Variants in PRDM16 observed in about 807,000 individuals in gnomAD.
The protein encoded by PRDM16 is PR/SET domain 16.
PRDM16 carries 23 observed loss-of-function variants against 110.6 expected under a neutral mutation model. The observed-to-expected ratio is 0.21, with a 90% CI of 0.15 to 0.29. PRDM16 has a LOEUF of 0.29. PRDM16 is among the 10% of genes least tolerant of loss of function. The pLI is 1.00. For synonymous variants in PRDM16, 799 were observed against 781.8 expected, an observed-to-expected ratio of 1.02 and a Z score of -0.37; for missense variants, 1,615 against 1,794.3, an observed-to-expected ratio of 0.90 and a Z score of 1.81.
chr1:3,364,386 C>T (rs889246446), intron 3 of PRDM16, among the ~76,000 whole-genome samples: 1 of 152,184 alleles, frequency 6.6e-6, no homozygotes, highest in East Asian at 1.9e-4. Flanking sequence ...AATTTACAAA[C>T]CCAAAAGTGC....
intron 3 of PRDM16, among the ~76,000 whole-genome samples, chr1:3,348,848 A>G (rs1000273963): frequency 6.6e-6 from 1 of 152,178 alleles, no homozygotes; most frequent in African/African-American, 2.4e-5. Context: ...TGCAGTGGGC[A>G]GTTTTTCCAC....
At chr1:3,294,279 G>A (rs985530538) in intron 3 of PRDM16, among the ~76,000 whole-genome samples, 3 of 152,142 alleles carry the variant, frequency 2.0e-5, no homozygotes, top group East Asian at 3.9e-4. Flanking sequence ...GCTGTGGAGT[G>A]GGGGTGTATC....
chr1:3,413,279 C>T (rs533150288), intron 9 of PRDM16, among the ~76,000 whole-genome samples: 6 of 148,932 alleles, frequency 4.0e-5, no homozygotes, highest in Non-Finnish European at 5.9e-5. Context: ...GGAGCCACAG[C>T]GGCAGGGGGA....
chr1:3,369,803 C>T (rs1324144579), intron 3 of PRDM16, among the ~76,000 whole-genome samples: 1 of 152,240 alleles, frequency 6.6e-6, no homozygotes, highest in Non-Finnish European at 1.5e-5. Flanking sequence ...CCAAAGACAA[C>T]ATTGTCTGCA....
At chr1:3,317,569 C>T (rs916037453) in intron 3 of PRDM16, among the ~76,000 whole-genome samples, 3 of 152,228 alleles carry the variant, frequency 2.0e-5, no homozygotes, top group Non-Finnish European at 4.4e-5. Context: ...TGCCTGACTT[C>T]TGAAAGCAAA....
chr1:3,323,496 C>G (rs1204627610), intron 3 of PRDM16, among the ~76,000 whole-genome samples: 3 of 152,254 alleles, frequency 2.0e-5, no homozygotes, highest in African/African-American at 7.2e-5. Flanking sequence ...GTGGACGGCT[C>G]TCCTGGAAAG....
intron 1 of PRDM16, among the ~76,000 whole-genome samples, chr1:3,126,635 C>T (rs1643214989): frequency 6.6e-6 from 1 of 152,174 alleles, no homozygotes; most frequent in Non-Finnish European, 1.5e-5. Context: ...GGGACTGGAC[C>T]AGGAGCCTCC....
At chr1:3,211,777 T>A (rs1394564100) in intron 2 of PRDM16, among the ~76,000 whole-genome samples, 3 of 152,224 alleles carry the variant, frequency 2.0e-5, no homozygotes, top group East Asian at 3.9e-4. Context: ...CGGTGGCCCA[T>A]GGCCTTGCAG....
At chr1:3,375,315 C>T (rs1164704100) in intron 3 of PRDM16, among the ~76,000 whole-genome samples, 1 of 152,250 alleles carries the variant, frequency 6.6e-6, no homozygotes, top group African/African-American at 2.4e-5. Flanking sequence ...TCGACAGACC[C>T]TGCTCTTTCC....
chr1:3,157,195 G>A lies in PRDM16; in HGVS notation c.38-28930G>A, dbSNP rs955227837. The stretch of plus-strand genomic sequence containing the variant: ...GGAGAAGGAGGGCCGCTCGGCAACC[G>A]CTGAGCCGGCGCAAGAGCTCAGGCC... On this transcript the variant is annotated intron_variant, in intron 1 of 16. Transcript: ENST00000270722. This position sits in a 1 kb window ranked among gnomAD's most constrained non-coding sequence, Gnocchi z 4.8. Among the ~76,000 whole-genome samples the A allele has an allele frequency of 2.6e-5, 4 of 152,168 alleles. No individual in the cohort carries two copies. The highest frequency in any genetic ancestry group is 1.3e-4 in the Admixed American group (2 of 15,286).
intron 9 of PRDM16, 52 bp from the exon 10 acceptor site, chr1:3,414,508 C>T (rs1257796252): frequency 4.8e-5 from 69 of 1,442,640 alleles, no homozygotes; most frequent in Non-Finnish European, 6.3e-5. Flanking sequence ...GCGGGTGGCT[C>T]GGCGGGGCGG....
At chr1:3,336,177 C>T (rs535725911) in intron 3 of PRDM16, among the ~76,000 whole-genome samples, 10 of 152,158 alleles carry the variant, frequency 6.6e-5, no homozygotes, top group Non-Finnish European at 1.3e-4. Flanking sequence ...GCCAAGATAG[C>T]GGGGGACATG....
chr1:3,238,711 G>A (rs1014938480), intron 2 of PRDM16, among the ~76,000 whole-genome samples: 5 of 152,286 alleles, frequency 3.3e-5, no homozygotes, highest in South Asian at 2.1e-4. Context: ...GAGCTTGGCC[G>A]TGGAGAGAGT....
intron 1 of PRDM16, among the ~76,000 whole-genome samples, chr1:3,099,900 T>C (rs1642492597): frequency 6.6e-6 from 1 of 152,190 alleles, no homozygotes; most frequent in African/African-American, 2.4e-5. Flanking sequence ...ACAGAGGACC[T>C]GAAGGCTCTC....
At chr1:3,345,180 C>T (rs1642337476) in intron 3 of PRDM16, among the ~76,000 whole-genome samples, 2 of 152,252 alleles carry the variant, frequency 1.3e-5, no homozygotes, top group Admixed American at 1.3e-4. Context: ...ACCTGGAGGA[C>T]AGTGGCCCTC....
rs192356764 is a variant in PRDM16, at chr1:3,357,360, C to T, written c.439-27792C>T. ...CTTGTTAAATGCCAGCCCCACCCCCCGCCCCGAGCTGGAAAACCTTCAGCC... is the reference window on the plus strand; with the variant it reads ...CTTGTTAAATGCCAGCCCCACCCCCTGCCCCGAGCTGGAAAACCTTCAGCC... On this transcript the variant is annotated intron_variant, in intron 3 of 16. Transcript: ENST00000270722. Among the ~76,000 whole-genome samples, 15 of 144,474 alleles carry T rather than the reference C, an allele frequency of 1.0e-4. No homozygotes were observed. In the South Asian group the frequency reaches 1.4e-3, roughly 14 times the overall value. The allele number at this position is 144,474 out of a possible 152,430, so 94.8% of individuals were successfully genotyped here.
At chr1:3,415,975 GAGCA>G (rs1460306777) in intron 10 of PRDM16, among the ~76,000 whole-genome samples, 1 of 152,234 alleles carries the variant, frequency 6.6e-6, no homozygotes, top group Non-Finnish European at 1.5e-5. Flanking sequence ...ATGGCTCAGG[GAGCA>G]AGGCAGCTTC....
chr1:3,425,969 G>A lies in PRDM16; in HGVS notation c.3110-82G>A. ...CTGCCTCCCTAACAGCACCCCAGGT[G>A]TACCCCGTTCGCGGTTGGTTTGCCC... On this transcript the variant is annotated intron_variant, in intron 13 of 16. Coordinates refer to ENST00000270722, the MANE Select transcript of PRDM16 (RefSeq NM_022114.4). The surrounding 1 kb of genome is among the most constrained non-coding windows in gnomAD (Gnocchi z 6.9). 6.8e-7 allele frequency: 1 copy of A among 1,469,862 alleles called. No individual in the cohort carries two copies. The highest frequency in any genetic ancestry group is 9.2e-7 in the Non-Finnish European group (1 of 1,089,092). 91.1% of individuals were successfully genotyped at this position (1,469,862 alleles called of 1,614,324 possible).
chr1:3,337,728 C>G (rs1214530288), intron 3 of PRDM16, among the ~76,000 whole-genome samples: 1 of 152,218 alleles, frequency 6.6e-6, no homozygotes, highest in African/African-American at 2.4e-5. Flanking sequence ...CATTTGGTCT[C>G]TCTGGTTGGG....
Sources: gnomAD v4.1 joint callset for allele counts (sites outside exome capture counted in the v4.1 genomes callset) on GRCh38, gnomAD v4.1.1 for gene constraint, Gnocchi (gnomAD v3.1) non-coding constraint, MANE v1.5 for transcripts, NCBI Gene and HGNC (gene_info 2026-07-23, HGNC 2026-07-21) for gene names.